RHBDF2: variants seen among roughly 807,000 people sequenced by gnomAD.
The protein encoded by RHBDF2 is rhomboid 5 homolog 2.
RHBDF2 carries 38 observed loss-of-function variants against 95.2 expected under a neutral mutation model. The observed-to-expected ratio is 0.40, with a 90% CI of 0.31 to 0.52. The LOEUF is 0.52. RHBDF2 is among the 20% of genes least tolerant of loss of function. The probability of loss-of-function intolerance (pLI) is 0.56; values close to 1 mark genes in which losing one functional copy is unlikely to be tolerated. For synonymous variants in RHBDF2, 442 were observed against 462.0 expected (o/e 0.96, Z 0.55); for missense variants, 863 against 1,137.7 (o/e 0.76, Z 3.47).
chr17:76,497,124 G>A lies in RHBDF2; in HGVS notation c.-220+4229C>T, dbSNP rs145221509. 3.3e-3 allele frequency among the ~76,000 whole-genome samples: 505 copies of A among 152,298 alleles called. 3 individuals are homozygous for A. The highest frequency in any genetic ancestry group is 0.011 in the African/African-American group (467 of 41,544). On this transcript the variant is annotated intron_variant, in intron 1 of 18. Transcript: ENST00000675367. ...GGAGACCCACTGGGAGAGGGAAAAG[G>A]GTTTCTTGCCAGAGACCGGGGCAGG...
intron 2 of RHBDF2, among the ~76,000 whole-genome samples, chr17:76,483,195 G>A (rs893460714): frequency 1.3e-5 from 2 of 151,900 alleles, no homozygotes; most frequent in East Asian, 3.9e-4. Context: ...GGTTATGGGC[G>A]TGAGCCACCA....
intron 2 of RHBDF2, chr17:76,481,782 G>A (rs1416138045): frequency 4.0e-5 from 12 of 298,272 alleles, no homozygotes; most frequent in African/African-American, 1.9e-4. Flanking sequence ...GTGAAACCCC[G>A]TCTCTACTAA....
At chr17:76,493,044 G>A (rs575854439) in intron 1 of RHBDF2, 158 of 152,452 alleles carry the variant, frequency 1.0e-3, no homozygotes, top group Non-Finnish European at 1.9e-3. Context: ...CCGGAGCCGC[G>A]GGTGGGCGAG....
At chr17:76,478,441 G>C (rs1234603571) in intron 6 of RHBDF2, among the ~76,000 whole-genome samples, 1 of 152,250 alleles carries the variant, frequency 6.6e-6, no homozygotes, top group African/African-American at 2.4e-5. Flanking sequence ...TGGGCTGCGA[G>C]CTCAGCCAGG....
At chr17:76,482,432 G>C (rs79182016) in intron 2 of RHBDF2, among the ~76,000 whole-genome samples, 4,530 of 152,074 alleles carry the variant, frequency 0.03, 138 homozygotes, top group South Asian at 0.13. Context: ...CAAGTGCTGG[G>C]ATTACAGGTG....
At position 76,481,533 on chromosome 17, in the gene RHBDF2, G is replaced by A. The variant is rs911643090; in HGVS notation, c.-9C>T. The A allele has an allele frequency of 5.0e-6, 8 of 1,605,808 alleles. No individual in the cohort carries two copies. Among genetic ancestry groups the A allele is most frequent in the Non-Finnish European group, 6.8e-6 (8 of 1,178,982 alleles). On this transcript the variant is annotated 5_prime_UTR_variant, in exon 3 of 19. Coordinates refer to ENST00000675367, the MANE Select transcript of RHBDF2 (RefSeq NM_001005498.4). ...TTGTCAGCAGAGGCCATTGTGGGCA[G>A]GAGGCGGGAGGGCTGGAATGGAGAC...
At chr17:76,488,625 T>C (rs1166329042) in intron 1 of RHBDF2, among the ~76,000 whole-genome samples, 7 of 152,122 alleles carry the variant, frequency 4.6e-5, no homozygotes, top group Admixed American at 3.3e-4. Context: ...CTGGCCAACA[T>C]GGTGAAACCC....
At position 76,476,842 on chromosome 17, in the gene RHBDF2, A is replaced by G; in HGVS notation, c.1103T>C (p.Phe368Ser). The G allele has an allele frequency of 6.2e-7, 1 of 1,606,322 alleles. No individual in the cohort carries two copies. Among genetic ancestry groups the G allele is most frequent in the Non-Finnish European group, 8.5e-7 (1 of 1,177,640 alleles). The stretch of plus-strand genomic sequence containing the variant: ...GGCGACACCTCACCGGTGGCTGTCG[A>G]AGCTCTCCAGCTGCCGCTGCACAGT... ...SSTVQRQLES[F>S]DSHRPYFTYW... The change falls in exon 9 of 19, where the codon TTC becomes TCC. Residue 368 changes from phenylalanine to serine, a missense_variant. Phe to Ser is a radical substitution (Grantham distance 155). This residue lies in a region of RHBDF2 where 611 missense variants were observed against 725.5 expected (regional missense o/e 0.84). Transcript: ENST00000675367.
intron 7 of RHBDF2, 21 bp downstream of exon 7, chr17:76,477,636 T>A: frequency 6.2e-7 from 1 of 1,613,066 alleles, no homozygotes; most frequent in East Asian, 2.2e-5. Flanking sequence ...CAACTCCTGC[T>A]GTCCCACACC....
intron 2 of RHBDF2, among the ~76,000 whole-genome samples, chr17:76,486,441 G>A (rs552390590): frequency 8.5e-5 from 13 of 152,234 alleles, no homozygotes; most frequent in South Asian, 2.1e-4. Context: ...GGTTGGGAGC[G>A]GTGGTTCATG....
intron 7 of RHBDF2, 97 bp downstream of exon 7, chr17:76,477,560 C>T: frequency 1.5e-6 from 2 of 1,352,956 alleles, no homozygotes; most frequent in Non-Finnish European, 2.1e-6. Flanking sequence ...GCCTCTGGGT[C>T]CCTCAGGGGT....
Position 76,473,306 on chromosome 17 carries a change from T to C in RHBDF2, c.1755A>G (p.Glu585=). ...TKGSCEITTR[E]YCEFMHGYFH... is the part of the protein sequence containing the mutation. ...AATAGCCGTGCATGAACTCACAGTA[T>C]TCCCGGGTGGTGATCTCACAGCTAA... The change falls in exon 16 of 19, where the codon GAA becomes GAG. Residue 585 remains glutamate (E), a synonymous_variant. Coordinates refer to ENST00000675367, the MANE Select transcript of RHBDF2 (RefSeq NM_001005498.4). The C allele has an allele frequency of 2.5e-6, 4 of 1,612,686 alleles. No individual in the cohort carries two copies. Among genetic ancestry groups the C allele is most frequent in the Non-Finnish European group, 3.4e-6 (4 of 1,179,302 alleles).
At chr17:76,486,077 TACACACACACACACACAC>T (rs57942849) in intron 2 of RHBDF2, among the ~76,000 whole-genome samples, 3,611 of 144,868 alleles carry the variant, frequency 0.025, 51 homozygotes, top group South Asian at 0.044. Flanking sequence ...TATATATATG[TACACACACACACACACAC>T]ACACACACAC....
intron 2 of RHBDF2, among the ~76,000 whole-genome samples, chr17:76,486,234 C>T (rs971923116): frequency 2.0e-5 from 3 of 152,134 alleles, no homozygotes; most frequent in South Asian, 4.1e-4. Flanking sequence ...CTCAGTCTCC[C>T]GAGTAGCTGG....
chr17:76,493,999 T>G (rs928798737), intron 1 of RHBDF2, among the ~76,000 whole-genome samples: 1 of 152,130 alleles, frequency 6.6e-6, no homozygotes, highest in Non-Finnish European at 1.5e-5. Context: ...GGCTCTGGGC[T>G]CCCCTTAACC....
In RHBDF2 at chr17:76,491,976, C is replaced by T. The variant is rs568968398; in HGVS notation, c.-219-4067G>A. On this transcript the variant is annotated intron_variant, in intron 1 of 18. Transcript: ENST00000675367. ...CCTGGGACCAGGCTTCCTCCTGGCC[C>T]GCAGTCACATCCGCCGCTCTCTCTC... Among the ~76,000 whole-genome samples the T allele has an allele frequency of 5.4e-4, 82 of 152,312 alleles. 1 individual carries two copies. In the South Asian group the frequency reaches 0.016, roughly 29 times the overall value.
chr17:76,476,874 G>T lies in RHBDF2; in HGVS notation c.1071C>A (p.Ile357=), dbSNP rs1217274234. ...CCAGCTGCCGCTGCACAGTGCTGCTGATGCTGCGGCGGTAGCTGCGGTTCA... is the reference window on the plus strand; with the variant it reads ...CCAGCTGCCGCTGCACAGTGCTGCTTATGCTGCGGCGGTAGCTGCGGTTCA... ...NWLNRSYRRS[I]SSTVQRQLES... Residue 357 remains isoleucine (I), a synonymous_variant, in exon 9 of 19, where the codon ATC becomes ATA. Transcript: ENST00000675367. The T allele has an allele frequency of 1.2e-6, 2 of 1,612,662 alleles. No individual in the cohort carries two copies. Among genetic ancestry groups the T allele is most frequent in the Non-Finnish European group, 1.7e-6 (2 of 1,179,680 alleles).
intron 2 of RHBDF2, among the ~76,000 whole-genome samples, chr17:76,486,918 C>T (rs1353257697): frequency 6.6e-6 from 1 of 150,966 alleles, no homozygotes; most frequent in Non-Finnish European, 1.5e-5. Flanking sequence ...TCCTGCCCCA[C>T]CTTGAGCAGT....
At chr17:76,485,617 A>G (rs573915819) in intron 2 of RHBDF2, among the ~76,000 whole-genome samples, 228 of 152,244 alleles carry the variant, frequency 1.5e-3, no homozygotes, top group African/African-American at 5.1e-3. Context: ...AAATGAGCAG[A>G]TGGCTTCACA....
Sources: gnomAD v4.1 joint callset for allele counts (sites outside exome capture counted in the v4.1 genomes callset) on GRCh38, gnomAD v4.1.1 for gene constraint, gnomAD v4.1.1 regional missense constraint, MANE v1.5 for transcripts, NCBI Gene and HGNC (gene_info 2026-07-23, HGNC 2026-07-21) for gene names.